CTNNA3: variants seen among roughly 807,000 people sequenced by gnomAD.
The protein encoded by CTNNA3 is catenin alpha-3.
CTNNA3 carries 76 observed loss-of-function variants against 95.7 expected under a neutral mutation model. The observed-to-expected ratio is 0.79, with a 90% confidence interval of 0.66 to 0.96. CTNNA3 has a LOEUF of 0.96. Among genes scored for constraint, CTNNA3 ranks in the 40% least tolerant of loss-of-function variants. The pLI, the probability that CTNNA3 is intolerant of heterozygous loss-of-function variation, is 0.00. For missense variants in CTNNA3, 1,191 were observed against 1,089.8 expected (o/e 1.09, Z -1.31); for synonymous variants, 431 against 374.4 (o/e 1.15, Z -1.74).
intron 3 of CTNNA3, among the ~76,000 whole-genome samples, chr10:67,557,135 G>A (rs1841288087): frequency 6.6e-6 from 1 of 152,052 alleles, no homozygotes; most frequent in African/African-American, 2.4e-5. Context: ...GTAACAGAAT[G>A]GATCCCAGGC....
At chr10:66,418,284 A>G (rs1482283989) in intron 11 of CTNNA3, among the ~76,000 whole-genome samples, 1 of 151,726 alleles carries the variant, frequency 6.6e-6, no homozygotes. Flanking sequence ...AAGTAGATAC[A>G]TTGCTAGAAA....
chr10:67,131,220 G>A (rs935973147), intron 7 of CTNNA3, among the ~76,000 whole-genome samples: 1 of 151,962 alleles, frequency 6.6e-6, no homozygotes, highest in Non-Finnish European at 1.5e-5. Flanking sequence ...AGAGGGTTGG[G>A]TTAGGTACCT....
intron 15 of CTNNA3, among the ~76,000 whole-genome samples, chr10:66,047,324 C>T (rs781407151): frequency 1.3e-5 from 2 of 152,158 alleles, no homozygotes; most frequent in Non-Finnish European, 2.9e-5. Context: ...GTTGGTTCAA[C>T]ACACACAAAT....
At chr10:66,300,167 C>T (rs2091840731) in intron 12 of CTNNA3, among the ~76,000 whole-genome samples, 1 of 152,106 alleles carries the variant, frequency 6.6e-6, no homozygotes, top group Non-Finnish European at 1.5e-5. Context: ...GATGGGATTA[C>T]AGGTGTGAGC....
intron 9 of CTNNA3, among the ~76,000 whole-genome samples, chr10:66,706,029 T>C (rs1848105227): frequency 6.6e-6 from 1 of 152,090 alleles, no homozygotes; most frequent in African/African-American, 2.4e-5. Flanking sequence ...CCCTCTGCTA[T>C]CAGTCCCTGA....
At chr10:66,851,027 A>C (rs1589331669) in intron 7 of CTNNA3, among the ~76,000 whole-genome samples, 2 of 152,170 alleles carry the variant, frequency 1.3e-5, no homozygotes, top group Admixed American at 1.3e-4. Flanking sequence ...ACTTTGCATG[A>C]CATTTAATGC....
chr10:66,381,477 A>G (rs1329640131), intron 11 of CTNNA3, among the ~76,000 whole-genome samples: 3 of 152,178 alleles, frequency 2.0e-5, no homozygotes, highest in African/African-American at 4.8e-5. Flanking sequence ...GAGGGAAAGA[A>G]TTTTATCTTA....
At chr10:66,767,681 G>T (rs150499804) in intron 8 of CTNNA3, among the ~76,000 whole-genome samples, 131 of 152,110 alleles carry the variant, frequency 8.6e-4, no homozygotes, top group African/African-American at 2.9e-3. Flanking sequence ...TAGATTACTT[G>T]GGAATGAATA....
chr10:66,270,185 T>A (rs1302270836), intron 13 of CTNNA3, among the ~76,000 whole-genome samples: 3 of 137,732 alleles, frequency 2.2e-5, no homozygotes, highest in Admixed American at 7.3e-5. Context: ...GGAAACCAAA[T>A]CAACCACTTT....
intron 9 of CTNNA3, among the ~76,000 whole-genome samples, chr10:66,759,995 G>A (rs1045028904): frequency 3.9e-5 from 6 of 152,026 alleles, no homozygotes; most frequent in African/African-American, 1.4e-4. Context: ...TTAACCTAGT[G>A]CTGTTAAGTC....
At chr10:67,575,377 A>C (rs2133299616) in intron 3 of CTNNA3, among the ~76,000 whole-genome samples, 1 of 151,588 alleles carries the variant, frequency 6.6e-6, no homozygotes, top group South Asian at 2.1e-4. Flanking sequence ...ACACCATTTT[A>C]TTTATCCTAT....
intron 7 of CTNNA3, among the ~76,000 whole-genome samples, chr10:66,811,622 A>G (rs1841879609): frequency 6.6e-6 from 1 of 152,146 alleles, no homozygotes; most frequent in Middle Eastern, 3.2e-3. Flanking sequence ...AAAATCCAAT[A>G]CTAGTCCTAG....
intron 3 of CTNNA3, among the ~76,000 whole-genome samples, chr10:67,541,036 G>A (rs1274195122): frequency 6.6e-6 from 1 of 151,688 alleles, no homozygotes; most frequent in Admixed American, 6.6e-5. Flanking sequence ...TTGATACACT[G>A]TAACTTATTT....
intron 17 of CTNNA3, among the ~76,000 whole-genome samples, chr10:65,958,410 G>A (rs750900387): frequency 6.6e-5 from 10 of 152,146 alleles, no homozygotes; most frequent in East Asian, 3.9e-4. Flanking sequence ...GTCATTCCCC[G>A]TCCAGCTTTG....
intron 13 of CTNNA3, among the ~76,000 whole-genome samples, chr10:66,219,275 G>C (rs951115336): frequency 1.3e-5 from 2 of 152,142 alleles, no homozygotes; most frequent in African/African-American, 4.8e-5. Flanking sequence ...TTCAGTGTGG[G>C]AGGGATATGA....
rs774186675 is a variant in CTNNA3 at position 66,927,299 on chromosome 10, C to T, written c.1048-151775G>A. On this transcript the variant is annotated intron_variant, in intron 7 of 17. Coordinates refer to ENST00000433211, the MANE Select transcript of CTNNA3 (RefSeq NM_013266.4). The surrounding 1 kb of genome is among the most constrained non-coding windows in gnomAD (Gnocchi z 4.7). Reference sequence around the variant, plus strand: ...AGAATCTCCTATTTTCTTAACAATACCTTCAGACCTGTGACAAATTTACGG... The same window carrying T: ...AGAATCTCCTATTTTCTTAACAATATCTTCAGACCTGTGACAAATTTACGG... The T allele has an allele frequency of 1.9e-6, 3 of 1,613,992 alleles. No homozygotes were observed. The highest frequency in any genetic ancestry group is 2.7e-5 in the African/African-American group (2 of 74,906).
At chr10:67,492,370 A>G (rs1020102075) in intron 5 of CTNNA3, among the ~76,000 whole-genome samples, 1 of 152,148 alleles carries the variant, frequency 6.6e-6, no homozygotes, top group African/African-American at 2.4e-5. Context: ...GAAATAGATT[A>G]CTGAGAAGTG....
At chr10:66,802,391 T>C (rs1296616999) in intron 7 of CTNNA3, among the ~76,000 whole-genome samples, 2 of 151,622 alleles carry the variant, frequency 1.3e-5, no homozygotes, top group East Asian at 3.9e-4. Context: ...AAATGACCAA[T>C]AAACACATGA....
At chr10:67,256,332 T>G (rs1247075990) in intron 5 of CTNNA3, among the ~76,000 whole-genome samples, 1 of 152,194 alleles carries the variant, frequency 6.6e-6, no homozygotes, top group Non-Finnish European at 1.5e-5. Flanking sequence ...ACCAAGATTA[T>G]GCTTCAGTCT....
Sources: gnomAD v4.1 joint callset for allele counts (sites outside exome capture counted in the v4.1 genomes callset) on GRCh38, gnomAD v4.1.1 for gene constraint, Gnocchi (gnomAD v3.1) non-coding constraint, MANE v1.5 for transcripts, NCBI Gene and HGNC (gene_info 2026-07-23, HGNC 2026-07-21) for gene names.